Variants in SLC16A4 observed in about 807,000 individuals in gnomAD.
SLC16A4 encodes solute carrier family 16 member 4.
SLC16A4 carries 39 observed loss-of-function variants against 47.9 expected under a neutral mutation model. The observed-to-expected ratio is 0.81, with a 90% CI of 0.63 to 1.06. SLC16A4 has a LOEUF of 1.06. Among genes scored for constraint, SLC16A4 ranks in the 50% least tolerant of loss-of-function variants. The pLI, the probability that SLC16A4 is intolerant of heterozygous loss-of-function variation, is 0.00. For synonymous variants in SLC16A4, 189 were observed against 199.9 expected (o/e 0.95, Z 0.46); for missense variants, 524 against 573.8 (o/e 0.91, Z 0.89).
At chr1:110,387,846 G>A (rs1048224128) in intron 2 of SLC16A4, among the ~76,000 whole-genome samples, 8 of 28,826 alleles carry the variant, frequency 2.8e-4, no homozygotes, top group Admixed American at 2.0e-3. Flanking sequence ...AGATTGTTTA[G>A]TACTGAAGCT....
intron 2 of SLC16A4, among the ~76,000 whole-genome samples, chr1:110,386,560 A>G (rs1194083066): frequency 6.6e-6 from 1 of 152,164 alleles, no homozygotes; most frequent in African/African-American, 2.4e-5. Flanking sequence ...CCTGGCAGGA[A>G]CACCTTAAGC....
At chr1:110,382,555 T>C (rs913267903) in intron 3 of SLC16A4, among the ~76,000 whole-genome samples, 4 of 152,208 alleles carry the variant, frequency 2.6e-5, no homozygotes, top group Non-Finnish European at 5.9e-5. Context: ...ATTGAACCTA[T>C]ATTAAGGCAT....
At chr1:110,365,038 A>C (rs1340518966) in intron 8 of SLC16A4, among the ~76,000 whole-genome samples, 2 of 151,992 alleles carry the variant, frequency 1.3e-5, no homozygotes, top group Non-Finnish European at 2.9e-5. Context: ...TGGACTTCCT[A>C]AAGGGTCTCA....
Position 110,363,896 on chromosome 1 carries a change from G to A in SLC16A4, c.1337-3C>T. The A allele has an allele frequency of 1.3e-6, 2 of 1,595,026 alleles. No homozygotes were observed. Among genetic ancestry groups the A allele is most frequent in the Non-Finnish European group, 1.7e-6 (2 of 1,173,500 alleles). On this transcript the variant is annotated splice_polypyrimidine_tract_variant and splice_region_variant and intron_variant, in intron 8 of 8. Coordinates refer to ENST00000369779, the MANE Select transcript of SLC16A4 (RefSeq NM_004696.3). The stretch of plus-strand genomic sequence containing the variant: ...CTGGGTATAATCATATAACCAGCCT[G>A]GAAGGAAGGAATGATTTCTGTTAGG...
intron 7 of SLC16A4, among the ~76,000 whole-genome samples, chr1:110,376,742 C>G (rs1557906782): frequency 6.6e-6 from 1 of 152,096 alleles, no homozygotes; most frequent in African/African-American, 2.4e-5. Flanking sequence ...AATTTTATTC[C>G]TGTCCCATGT....
chr1:110,383,770 T>G (rs1464430053), intron 2 of SLC16A4, among the ~76,000 whole-genome samples: 3 of 33,732 alleles, frequency 8.9e-5, no homozygotes, highest in Non-Finnish European at 1.8e-4. Context: ...AAGGAAGTGT[T>G]TTTTTTTTTT....
At chr1:110,364,418 G>C (rs978456918) in intron 8 of SLC16A4, among the ~76,000 whole-genome samples, 2 of 151,798 alleles carry the variant, frequency 1.3e-5, no homozygotes, top group African/African-American at 4.8e-5. Flanking sequence ...GGTGCAGGAG[G>C]CTATCAGAAG....
intron 2 of SLC16A4, among the ~76,000 whole-genome samples, chr1:110,388,693 G>C (rs983881494): frequency 6.6e-6 from 1 of 152,190 alleles, no homozygotes; most frequent in African/African-American, 2.4e-5. Flanking sequence ...AGGAAGAGTA[G>C]ATGACTGGAT....
intron 2 of SLC16A4, among the ~76,000 whole-genome samples, chr1:110,387,135 CATCT>C (rs1455876356): frequency 1.3e-5 from 2 of 152,112 alleles, no homozygotes; most frequent in Non-Finnish European, 2.9e-5. Context: ...TTCATCCATC[CATCT>C]ATCCATCCAC....
chr1:110,390,445 A>T (rs1176411764), intron 1 of SLC16A4, among the ~76,000 whole-genome samples: 1 of 152,214 alleles, frequency 6.6e-6, no homozygotes. Context: ...ATCAGAAAAA[A>T]AAGTTGTAAA....
At chr1:110,369,397 C>T (rs938598991) in intron 8 of SLC16A4, among the ~76,000 whole-genome samples, 19 of 151,942 alleles carry the variant, frequency 1.3e-4, no homozygotes, top group African/African-American at 3.9e-4. Context: ...CTCAGTAGTT[C>T]GAGACCAGCC....
chr1:110,375,223 CT>C (rs1661925336), intron 8 of SLC16A4: 2 of 406,194 alleles, frequency 4.9e-6, no homozygotes, highest in East Asian at 7.5e-5. Context: ...GATCCAGTGT[CT>C]GCCCTACAAC....
intron 8 of SLC16A4, among the ~76,000 whole-genome samples, chr1:110,364,103 T>A (rs1029626890): frequency 6.6e-6 from 1 of 152,212 alleles, no homozygotes; most frequent in Non-Finnish European, 1.5e-5. Context: ...ACAGTGGAAG[T>A]TGGAGAAAAT....
rs201788334 is a variant in SLC16A4 at position 110,376,979 on chromosome 1, C to T, written c.1213G>A (p.Gly405Ser). The change falls in exon 7 of 9, where the codon GGT becomes AGT. Residue 405 changes from glycine (G) to serine (S), a missense_variant. Transcript: ENST00000369779. ...ACAGGCAGTATCAATGCCAGGTAAC[C>T]ACCAGCAAAGATGGCAAAGCAGATG... ...YTICFAIFAG[G>S]YLALILPVLV... 110 of 1,613,846 alleles carry T rather than the reference C, an allele frequency of 6.8e-5. No homozygotes were observed. Among genetic ancestry groups the T allele is most frequent in the Non-Finnish European group, 8.3e-5 (98 of 1,179,928 alleles).
At chr1:110,367,722 G>C (rs1364929200) in intron 8 of SLC16A4, among the ~76,000 whole-genome samples, 1 of 152,026 alleles carries the variant, frequency 6.6e-6, no homozygotes, top group Non-Finnish European at 1.5e-5. Context: ...TATATATAGG[G>C]AGAGAGAACG....
chr1:110,384,792 C>T (rs536100214), intron 2 of SLC16A4, among the ~76,000 whole-genome samples: 1 of 152,282 alleles, frequency 6.6e-6, no homozygotes, highest in African/African-American at 2.4e-5. Context: ...GGGTGGATCG[C>T]TTGAGCCCAG....
At chr1:110,381,612 C>T in intron 4 of SLC16A4, 40 bp downstream of exon 4, 6 of 1,591,674 alleles carry the variant, frequency 3.8e-6, no homozygotes, top group Non-Finnish European at 5.1e-6. Context: ...TGAGCCACCA[C>T]TCCTGGCCTT....
At chr1:110,363,958 A>G in intron 8 of SLC16A4, 65 bp from the exon 9 acceptor site, 3 of 1,541,660 alleles carry the variant, frequency 1.9e-6, no homozygotes, top group Non-Finnish European at 2.6e-6. Context: ...TCAGCCATGA[A>G]TAGCTCCTCA....
At chr1:110,373,308 C>T (rs1661783511) in intron 8 of SLC16A4, among the ~76,000 whole-genome samples, 1 of 152,092 alleles carries the variant, frequency 6.6e-6, no homozygotes, top group Non-Finnish European at 1.5e-5. Flanking sequence ...TTGAAAAATT[C>T]CAAGGCACTA....
Sources: allele counts gnomAD v4.1 joint callset (sites outside exome capture counted in the v4.1 genomes callset), GRCh38; gene constraint gnomAD v4.1.1; transcripts MANE v1.5; gene names NCBI Gene and HGNC (gene_info 2026-07-23, HGNC 2026-07-21).